The following ATG4A variants were observed in gnomAD, a reference collection of about 807,000 sequenced individuals.
The protein encoded by ATG4A is cysteine protease ATG4A.
ATG4A carries 22 observed loss-of-function variants against 38.4 expected under a neutral mutation model. That is an observed-to-expected ratio of 0.57 (90% CI 0.41 to 0.82). The LOEUF (loss-of-function observed/expected upper bound fraction) is 0.82. ATG4A is among the 40% of genes least tolerant of loss of function. ATG4A has a pLI of 0.00. For synonymous variants in ATG4A, 86 were observed against 100.7 expected, an observed-to-expected ratio of 0.85 and a Z score of 0.88; for missense variants, 220 against 290.0, an observed-to-expected ratio of 0.76 and a Z score of 1.75.
intron 9 of ATG4A, among the ~76,000 whole-genome samples, chrX:108,147,964 C>G (rs377498884): frequency 3.2e-5 from 3 of 94,111 alleles, no homozygotes; most frequent in African/African-American, 1.1e-4. Context: ...TAGAACAACT[C>G]CTGGTACCAA....
At chrX:108,126,262 TTCTTGGGTTGGCAGAGCATTG>T in intron 2 of ATG4A, 75 bp downstream of exon 2, 1 of 732,837 alleles carries the variant, frequency 1.4e-6, no homozygotes, top group Non-Finnish European at 2.1e-6. Flanking sequence ...GTACTTTTTC[TTCTTGGGTTGGCAGAGCATTG>T]TCTTGCTCAA....
rs2033356393 is a variant in ATG4A, at chrX:108,143,638, T to G, written c.814+5447T>G. 1.8e-5 allele frequency: 3 copies of G among 169,572 alleles called. No individual in the cohort carries two copies. In the South Asian group the frequency reaches 2.7e-4, roughly 15 times the overall value. The allele number at this position is 169,572 out of a possible 1,213,427, so 14.0% of individuals were successfully genotyped here. ...AGCCCAAAGTGTCCAGGTGGCAATC[T>G]TAACTTCCAGTTTAATGGAACTGTT... On this transcript the variant is annotated intron_variant, in intron 9 of 12. Transcript: ENST00000372232.
chrX:108,142,540 G>A (rs966286502), intron 9 of ATG4A, among the ~76,000 whole-genome samples: 42 of 109,881 alleles, frequency 3.8e-4, no homozygotes, highest in Middle Eastern at 4.7e-3. Context: ...ATGTAAAGGG[G>A]AGTTTATTAA....
Position 108,151,852 on chromosome X carries a change from T to A in ATG4A, c.1011T>A (p.Val337=), listed in dbSNP as rs938006818. 3.3e-6 allele frequency: 4 copies of A among 1,201,849 alleles called. No homozygotes were observed. The Admixed American group carries it at 8.7e-5, about 26-fold the overall frequency. Reference sequence around the variant, plus strand: ...ACTTTGATAACTGGTGTAGCCTTGTTCAGAAGGTAAAGCTATATGTTTTTC... The same window carrying A: ...ACTTTGATAACTGGTGTAGCCTTGTACAGAAGGTAAAGCTATATGTTTTTC... ...EKDFDNWCSL[V]QKEILKENLR... The change falls in exon 11 of 13, where the codon GTT becomes GTA. Residue 337 remains valine, a synonymous_variant. Coordinates refer to ENST00000372232, the MANE Select transcript of ATG4A (RefSeq NM_052936.5).
At chrX:108,135,927 G>A (rs1447160688) in intron 6 of ATG4A, among the ~76,000 whole-genome samples, 4 of 109,442 alleles carry the variant, frequency 3.7e-5, no homozygotes, top group Non-Finnish European at 7.6e-5. Context: ...GGGATTACAG[G>A]TGGCTGCTAC....
rs759477722 is a variant in ATG4A, at chrX:108,112,467, C to T, written c.11-13610C>T. On this transcript the variant is annotated intron_variant, in intron 1 of 12. Transcript: ENST00000372232. ...AGTGCAGTGGCGCAATCTCGGCTCA[C>T]TGCAAGCTCCGCCTCCCGGGTTCAC... 9.4e-4 allele frequency among the ~76,000 whole-genome samples: 103 copies of T among 109,607 alleles called. 1 individual carries two copies. The highest frequency in any genetic ancestry group is 1.3e-3 in the Non-Finnish European group (68 of 52,554).
chrX:108,109,390 T>C (rs771884533), intron 1 of ATG4A, among the ~76,000 whole-genome samples: 3 of 112,246 alleles, frequency 2.7e-5, no homozygotes, highest in Non-Finnish European at 3.8e-5. Flanking sequence ...TTATCAGATA[T>C]GTGATTTGCA....
At chrX:108,112,969 T>C (rs1381095935) in intron 1 of ATG4A, among the ~76,000 whole-genome samples, 1 of 110,926 alleles carries the variant, frequency 9.0e-6, no homozygotes, top group Non-Finnish European at 1.9e-5. Context: ...TTTTGTAAAA[T>C]TGACTCCCCA....
At chrX:108,092,251 A>G in intron 1 of ATG4A, among the ~76,000 whole-genome samples, 1 of 111,262 alleles carries the variant, frequency 9.0e-6, no homozygotes, top group Middle Eastern at 4.6e-3. Flanking sequence ...TATCTAAGAG[A>G]CCTCGGTGAG....
At chrX:108,124,855 A>G (rs1392659333) in intron 1 of ATG4A, among the ~76,000 whole-genome samples, 1 of 111,772 alleles carries the variant, frequency 8.9e-6, no homozygotes, top group Non-Finnish European at 1.9e-5. Context: ...AAATAAAACA[A>G]TTTATCCTTT....
intron 2 of ATG4A, chrX:108,126,927 G>A (rs761706188): frequency 1.6e-5 from 6 of 371,909 alleles, no homozygotes; most frequent in African/African-American, 2.6e-5. Flanking sequence ...CTCACTTAGC[G>A]TGGAGGAAGG....
chrX:108,107,179 C>T (rs774009561), intron 1 of ATG4A, among the ~76,000 whole-genome samples: 3 of 111,143 alleles, frequency 2.7e-5, no homozygotes, highest in African/African-American at 6.5e-5. Context: ...ATTAAAGTCC[C>T]GTGTGTCCCT....
chrX:108,147,503 A>G (rs925452822), intron 9 of ATG4A, among the ~76,000 whole-genome samples: 2 of 111,635 alleles, frequency 1.8e-5, no homozygotes, highest in African/African-American at 6.5e-5. Flanking sequence ...CACTCGCATG[A>G]TAAGAGCTTG....
upstream of ATG4A, chrX:108,091,296 G>A (rs1204238691): frequency 2.9e-6 from 2 of 698,258 alleles, no homozygotes; most frequent in Non-Finnish European, 4.5e-6. Flanking sequence ...GGGCGGCGGG[G>A]GCGGGGTTCT....
chrX:108,141,032 A>G (rs868023488), intron 9 of ATG4A, among the ~76,000 whole-genome samples: 18 of 63,569 alleles, frequency 2.8e-4, no homozygotes, highest in South Asian at 2.7e-3. Context: ...ATATATATAC[A>G]TATATACATA....
chrX:108,133,980 T>C lies in ATG4A; in HGVS notation c.293-77T>C, dbSNP rs1473536879. The C allele has an allele frequency of 7.5e-6, 6 of 803,637 alleles. No homozygotes were observed. In the African/African-American group the frequency reaches 1.1e-4, roughly 14 times the overall value. 66.2% of individuals were successfully genotyped at this position (803,637 alleles called of 1,213,427 possible). A position where few individuals can be genotyped will look rare whatever the true frequency, so the allele number is the denominator to read the frequency against. On this transcript the variant is annotated intron_variant, in intron 4 of 12. Coordinates refer to ENST00000372232, the MANE Select transcript of ATG4A (RefSeq NM_052936.5). ...TGGTGCCTTTGTTTTTCTTCTAACT[T>C]TGTAGTTACAATAAAAGTGCAGAGA...
intron 1 of ATG4A, among the ~76,000 whole-genome samples, chrX:108,109,828 A>G (rs1023628872): frequency 1.8e-5 from 2 of 111,551 alleles, no homozygotes; most frequent in African/African-American, 6.5e-5. Flanking sequence ...TCCTTGAGCT[A>G]TGTGTCTACC....
intron 1 of ATG4A, among the ~76,000 whole-genome samples, chrX:108,110,560 G>C (rs958436966): frequency 1.8e-5 from 2 of 111,420 alleles, no homozygotes; most frequent in African/African-American, 6.5e-5. Context: ...CTATTTAGCT[G>C]TAATTTTGTA....
At chrX:108,142,003 C>A (rs866503509) in intron 9 of ATG4A, among the ~76,000 whole-genome samples, 3 of 110,937 alleles carry the variant, frequency 2.7e-5, no homozygotes, top group African/African-American at 9.9e-5. Context: ...TACTATGTGG[C>A]CATAAAAAGT....
Sources: gnomAD v4.1 joint callset for allele counts (sites outside exome capture counted in the v4.1 genomes callset) on GRCh38, gnomAD v4.1.1 for gene constraint, MANE v1.5 for transcripts, NCBI Gene and HGNC (gene_info 2026-07-23, HGNC 2026-07-21) for gene names.